Variants in GATC observed in about 807,000 individuals in gnomAD.
GATC encodes the protein glutamyl-tRNA(Gln) amidotransferase subunit C, mitochondrial.
A neutral mutation model predicts 14.4 loss-of-function variants in GATC; 11 were observed. The observed-to-expected ratio is 0.77, with a 90% CI of 0.48 to 1.27. The LOEUF (loss-of-function observed/expected upper bound fraction) is 1.27, where lower values mean the gene tolerates loss of function less well. Ranked by LOEUF, GATC falls within the 50% of genes most tolerant of loss-of-function variation. The probability of loss-of-function intolerance (pLI) is 0.00; values close to 1 mark genes in which losing one functional copy is unlikely to be tolerated. For synonymous variants in GATC, 76 were observed against 79.3 expected, an observed-to-expected ratio of 0.96 and a Z score of 0.22; for missense variants, 204 against 183.0, an observed-to-expected ratio of 1.11 and a Z score of -0.66.
In GATC at chr12:120,462,221, A is replaced by T; in HGVS notation, c.*2262A>T. On this transcript the variant is annotated 3_prime_UTR_variant, in exon 4 of 4. Transcript: ENST00000551765. ...GGAAAAAAATCAGAGCCAGAAGAAT[A>T]AGCAAACCAACATCTAACAATAATA... 6.5e-7 allele frequency: 1 copy of T among 1,530,726 alleles called. No individual in the cohort carries two copies. Among genetic ancestry groups the T allele is most frequent in the Non-Finnish European group, 8.9e-7 (1 of 1,129,528 alleles). The allele number at this position is 1,530,726 out of a possible 1,614,324, so 94.8% of individuals were successfully genotyped here.
intron 2 of GATC, chr12:120,450,643 C>A: frequency 6.4e-6 from 1 of 157,038 alleles, no homozygotes; most frequent in South Asian, 1.8e-4. Flanking sequence ...AGTTTTCTAT[C>A]TCCTTCATTG....
chr12:120,446,454 G>C lies in GATC; in HGVS notation c.-27G>C. 1.2e-6 allele frequency: 2 copies of C among 1,604,668 alleles called. No individual in the cohort carries two copies. The highest frequency in any genetic ancestry group is 1.7e-6 in the Non-Finnish European group (2 of 1,173,508). ...GCGTCGCTCGGCGTTACGCGCGGGCGCACTGCGGGGGCCAAGGAAGGAAGA... is the reference window on the plus strand; with the variant it reads ...GCGTCGCTCGGCGTTACGCGCGGGCCCACTGCGGGGGCCAAGGAAGGAAGA... On this transcript the variant is annotated 5_prime_UTR_variant, in exon 1 of 4. Coordinates refer to ENST00000551765, the MANE Select transcript of GATC (RefSeq NM_176818.3).
At chr12:120,451,757 C>T (rs1470840454) in intron 2 of GATC, among the ~76,000 whole-genome samples, 2 of 151,378 alleles carry the variant, frequency 1.3e-5, no homozygotes, top group African/African-American at 4.9e-5. Context: ...AACAAACAAA[C>T]AAACAAAAAA....
At chr12:120,455,392 C>T (rs1268083057) in intron 2 of GATC, among the ~76,000 whole-genome samples, 8 of 152,034 alleles carry the variant, frequency 5.3e-5, no homozygotes, top group Admixed American at 5.2e-4. Flanking sequence ...TGGTCTTGAA[C>T]TCCTGAATTC....
chr12:120,456,707 G>A (rs4767898), intron 2 of GATC, among the ~76,000 whole-genome samples: 1 of 152,180 alleles, frequency 6.6e-6, no homozygotes, highest in East Asian at 1.9e-4. Context: ...TGCTACTCAC[G>A]CAGGCTGGAC....
chr12:120,458,960 A>AT (rs1555220125), intron 3 of GATC, among the ~76,000 whole-genome samples: 3 of 152,006 alleles, frequency 2.0e-5, no homozygotes, highest in Non-Finnish European at 4.4e-5. Flanking sequence ...TTCCACGTTC[A>AT]TGCCATTCTC....
chr12:120,449,461 G>GT (rs1030719571), intron 2 of GATC, among the ~76,000 whole-genome samples: 1 of 148,738 alleles, frequency 6.7e-6, no homozygotes, highest in South Asian at 2.2e-4. Context: ...GTTTTGTTTT[G>GT]TTTTTTTGAG....
chr12:120,457,163 C>T lies in GATC; in HGVS notation c.342C>T (p.Tyr114=), dbSNP rs186213466. ...LQNSHRVVEE[Y]FVAPPGNISL... ...ACTCCCATCGCGTCGTGGAGGAGTA[C>T]TTTGTGGCCCCCCCAGGTACGTGCT... The change falls in exon 3 of 4, where the codon TAC becomes TAT. Residue 114 remains tyrosine (Y), a synonymous_variant. Coordinates refer to ENST00000551765, the MANE Select transcript of GATC (RefSeq NM_176818.3). The T allele has an allele frequency of 1.4e-5, 22 of 1,610,692 alleles. No individual in the cohort carries two copies. The East Asian group carries it at 3.1e-4, about 23-fold the overall frequency.
At chr12:120,457,021 T>A in intron 2 of GATC, 55 bp from the exon 3 acceptor site, 1 of 1,127,186 alleles carries the variant, frequency 8.9e-7, no homozygotes, top group Non-Finnish European at 1.4e-6. Flanking sequence ...CTCTCCATCA[T>A]CCCCTAAAAG....
rs1250076187 is a variant in GATC at position 120,460,177 on chromosome 12, CAA to C, written c.*221_*222del. 6 of 478,692 alleles carry C rather than the reference CAA, an allele frequency of 1.3e-5. No individual in the cohort carries two copies. Among genetic ancestry groups the C allele is most frequent in the South Asian group, 2.4e-5 (1 of 42,268 alleles). The allele number at this position is 478,692 out of a possible 1,614,324, so 29.7% of individuals were successfully genotyped here. ...GATGCTAACTGAGGTGAAAGAAAAG[CAA>C]AAGTCAGCTTCCAAGGAATTCACTT... On this transcript the variant is annotated 3_prime_UTR_variant, in exon 4 of 4. Transcript: ENST00000551765.
intron 2 of GATC, among the ~76,000 whole-genome samples, chr12:120,455,560 G>A (rs887732043): frequency 6.6e-6 from 1 of 152,066 alleles, no homozygotes; most frequent in Non-Finnish European, 1.5e-5. Context: ...GAATGTGCCA[G>A]GTCCTGTAAC....
Position 120,459,923 on chromosome 12 carries a change from A to G in GATC, c.375A>G (p.Pro125=). The G allele has an allele frequency of 1.9e-6, 3 of 1,612,934 alleles. No homozygotes were observed. Among genetic ancestry groups the G allele is most frequent in the Non-Finnish European group, 2.5e-6 (3 of 1,179,050 alleles). The change falls in exon 4 of 4, where the codon CCA becomes CCG. Residue 125 remains proline (P), a synonymous_variant. Coordinates refer to ENST00000551765, the MANE Select transcript of GATC (RefSeq NM_176818.3). ...TTCAAACAGGTAATATCTCTTTGCC[A>G]AAGCTGGATGAACAAGAGCCATTCC... ...FVAPPGNISL[P]KLDEQEPFPH... is the part of the protein sequence containing the mutation.
rs536275228 is a variant in GATC, at chr12:120,446,747, G to A, written c.172G>A (p.Glu58Lys). Residue 58 changes from glutamate (E) to lysine (K), a missense_variant, in exon 2 of 4, where the codon GAG becomes AAG. Glu to Lys is a moderately conservative substitution (Grantham distance 56). Coordinates refer to ENST00000551765, the MANE Select transcript of GATC (RefSeq NM_176818.3). ...CAGCCGCGAGGCAGTGGCGCGACTG[G>A]AGAAAGCTATCGCCTTCGCCGACCG... ...FGSREAVARL[E>K]KAIAFADRLR... The A allele has an allele frequency of 1.2e-6, 2 of 1,614,052 alleles. No homozygotes were observed. Among genetic ancestry groups the A allele is most frequent in the Admixed American group, 1.7e-5 (1 of 60,020 alleles).
intron 3 of GATC, 59 bp from the exon 4 acceptor site, chr12:120,459,848 C>A: frequency 7.3e-7 from 1 of 1,362,384 alleles, no homozygotes. Context: ...CAGCGAGACT[C>A]TGTCTCAAAA....
In GATC at chr12:120,460,076, C is replaced by T; in HGVS notation, c.*117C>T. On this transcript the variant is annotated 3_prime_UTR_variant, in exon 4 of 4. Coordinates refer to ENST00000551765, the MANE Select transcript of GATC (RefSeq NM_176818.3). ...TCAGTCCCCTGAAAAAATGGATGCT[C>T]AAGCATTTCTTAATAACAGATTCTT... The T allele has an allele frequency of 1.4e-6, 1 of 719,562 alleles. No homozygotes were observed. The highest frequency in any genetic ancestry group is 1.7e-5 in the South Asian group (1 of 60,044). The allele number at this position is 719,562 out of a possible 1,614,324, so 44.6% of individuals were successfully genotyped here. A position where few individuals can be genotyped will look rare whatever the true frequency, so the allele number is the denominator to read the frequency against.
In GATC at chr12:120,461,809, G is replaced by A. The variant is rs142287809; in HGVS notation, c.*1850G>A. On this transcript the variant is annotated 3_prime_UTR_variant, in exon 4 of 4. Coordinates refer to ENST00000551765, the MANE Select transcript of GATC (RefSeq NM_176818.3). Reference sequence around the variant, plus strand: ...ATCAGGGGTGAAAAATATACAACTTGTTTCTGAACCAAAACCACAATTTCT... The same window carrying A: ...ATCAGGGGTGAAAAATATACAACTTATTTCTGAACCAAAACCACAATTTCT... 1.4e-3 allele frequency: 640 copies of A among 465,282 alleles called. 3 individuals carry two copies. The highest frequency in any genetic ancestry group is 0.012 in the African/African-American group (598 of 49,344). The allele number at this position is 465,282 out of a possible 1,614,324, so 28.8% of individuals were successfully genotyped here.
At position 120,459,984 on chromosome 12, in the gene GATC, C is replaced by T. The variant is rs767177991; in HGVS notation, c.*25C>T. On this transcript the variant is annotated 3_prime_UTR_variant, in exon 4 of 4. Coordinates refer to ENST00000551765, the MANE Select transcript of GATC (RefSeq NM_176818.3). The stretch of plus-strand genomic sequence containing the variant: ...AGTAGCTCATTCTGGAAAGGGGGTA[C>T]TCTGTGAACATGTGGAAGCATAATG... The T allele has an allele frequency of 4.4e-6, 7 of 1,582,002 alleles. No individual in the cohort carries two copies. The Admixed American group carries it at 1.2e-4, about 27-fold the overall frequency.
chr12:120,455,024 A>T, intron 2 of GATC: 1 of 449,404 alleles, frequency 2.2e-6, no homozygotes, highest in Non-Finnish European at 4.5e-6. Context: ...GGTAGCTGGG[A>T]TTACAGGTAT....
intron 3 of GATC, among the ~76,000 whole-genome samples, chr12:120,457,403 TA>T (rs1286591661): frequency 6.6e-6 from 1 of 151,988 alleles, no homozygotes; most frequent in Non-Finnish European, 1.5e-5. Flanking sequence ...GCGGGAGGTT[TA>T]AAGTAGGTGG....
Sources: gnomAD v4.1 joint callset for allele counts (sites outside exome capture counted in the v4.1 genomes callset) on GRCh38, gnomAD v4.1.1 for gene constraint, MANE v1.5 for transcripts, NCBI Gene and HGNC (gene_info 2026-07-23, HGNC 2026-07-21) for gene names.